USH2A: variants seen among roughly 807,000 people sequenced by gnomAD.
The protein encoded by USH2A is usherin.
A neutral mutation model predicts 538.9 loss-of-function variants in USH2A; 443 were observed. The ratio of observed to expected loss-of-function variants is 0.82; its 90% CI spans 0.76 to 0.89. USH2A has a LOEUF of 0.89. USH2A is among the 40% of genes least tolerant of loss of function. The pLI is 0.00. For synonymous variants in USH2A, 2,413 were observed against 2,273.5 expected, an observed-to-expected ratio of 1.06 and a Z score of -1.75; for missense variants, 6,633 against 6,324.8, an observed-to-expected ratio of 1.05 and a Z score of -1.65.
intron 3 of USH2A, among the ~76,000 whole-genome samples, chr1:216,400,711 A>G (rs1396378999): frequency 9.2e-5 from 14 of 152,174 alleles, no homozygotes; most frequent in Admixed American, 9.2e-4. Flanking sequence ...TGTAAAACTT[A>G]TAAGTAAATA....
At chr1:216,003,775 C>T (rs990859108) in intron 32 of USH2A, among the ~76,000 whole-genome samples, 1 of 152,064 alleles carries the variant, frequency 6.6e-6, no homozygotes, top group African/African-American at 2.4e-5. Flanking sequence ...CTTAGGAAGA[C>T]ACTAAGGATT....
At chr1:215,741,342 AT>A in intron 60 of USH2A, 32 bp downstream of exon 60, 1 of 1,611,516 alleles carries the variant, frequency 6.2e-7, no homozygotes. Flanking sequence ...GCATTCTTAA[AT>A]AACTAAAAAT....
chr1:216,234,673 T>A (rs578061801), intron 13 of USH2A, among the ~76,000 whole-genome samples: 47 of 152,192 alleles, frequency 3.1e-4, no homozygotes, highest in African/African-American at 1.1e-3. Flanking sequence ...CACAGATACT[T>A]ACAAGTAGAA....
chr1:216,377,408 C>A (rs2038842221), intron 3 of USH2A, among the ~76,000 whole-genome samples: 1 of 152,048 alleles, frequency 6.6e-6, no homozygotes, highest in Admixed American at 6.6e-5. Flanking sequence ...TATATCATCC[C>A]TGAATACAAA....
Position 216,000,436 on chromosome 1 carries a change from A to G in USH2A, c.6452T>C (p.Leu2151Pro). Residue 2151 changes from leucine (L) to proline (P), a missense_variant, in exon 33 of 72, where the codon CTG becomes CCG. Coordinates refer to ENST00000307340, the MANE Select transcript of USH2A (RefSeq NM_206933.4). ...LPPEHVDSPV[L>P]TVLDSRTIHI... is the part of the protein sequence containing the mutation. ...TATAGTTCTAGAATCCAGGACAGTC[A>G]GAACTGGGGAATCCACGTGTTCTGG... 6.2e-7 allele frequency: 1 copy of G among 1,613,710 alleles called. No individual in the cohort carries two copies. Among genetic ancestry groups the G allele is most frequent in the Non-Finnish European group, 8.5e-7 (1 of 1,179,714 alleles).
At chr1:215,852,223 C>T (rs1226414754) in intron 44 of USH2A, among the ~76,000 whole-genome samples, 1 of 152,086 alleles carries the variant, frequency 6.6e-6, no homozygotes, top group African/African-American at 2.4e-5. Context: ...ACAATCATGG[C>T]AGAAGGTGAA....
intron 60 of USH2A, among the ~76,000 whole-genome samples, chr1:215,740,203 C>T (rs539421412): frequency 1.3e-5 from 2 of 152,258 alleles, no homozygotes; most frequent in African/African-American, 4.8e-5. Flanking sequence ...CTCCCTCATT[C>T]TCTTCCTTTG....
intron 52 of USH2A, among the ~76,000 whole-genome samples, chr1:215,785,705 A>G (rs1031131182): frequency 1.3e-5 from 2 of 152,176 alleles, no homozygotes; most frequent in Non-Finnish European, 2.9e-5. Flanking sequence ...ATAATGTTCA[A>G]TCAACCTTAT....
At chr1:215,670,801 A>T (rs1657789653) in intron 64 of USH2A, among the ~76,000 whole-genome samples, 171 bp downstream of exon 64, 1 of 152,200 alleles carries the variant, frequency 6.6e-6, no homozygotes, top group Non-Finnish European at 1.5e-5. Context: ...GAAAAAGGCA[A>T]TGAACATGGT....
chr1:215,795,175 C>T (rs887365206), intron 50 of USH2A, among the ~76,000 whole-genome samples: 1 of 152,176 alleles, frequency 6.6e-6, no homozygotes, highest in African/African-American at 2.4e-5. Context: ...TTCTTCCTTA[C>T]ACAGAGTGTA....
chr1:215,778,495 T>C (rs1228765780), intron 55 of USH2A, among the ~76,000 whole-genome samples: 1 of 152,188 alleles, frequency 6.6e-6, no homozygotes, highest in Non-Finnish European at 1.5e-5. Context: ...TGCTTGCTTA[T>C]GTGTTAGGGA....
intron 49 of USH2A, among the ~76,000 whole-genome samples, chr1:215,808,593 C>T (rs1177976435): frequency 6.6e-6 from 1 of 152,064 alleles, no homozygotes; most frequent in Non-Finnish European, 1.5e-5. Context: ...ATTCCCTTCC[C>T]ATCCATTACC....
intron 27 of USH2A, among the ~76,000 whole-genome samples, chr1:216,073,958 G>A (rs551022629): frequency 2.0e-5 from 3 of 152,292 alleles, no homozygotes; most frequent in Admixed American, 2.0e-4. Context: ...CATACAAAAT[G>A]GTCACCAGTT....
intron 38 of USH2A, among the ~76,000 whole-genome samples, chr1:215,901,865 G>T (rs1665510504): frequency 6.6e-6 from 1 of 152,008 alleles, no homozygotes; most frequent in Non-Finnish European, 1.5e-5. Context: ...AGCAAATTCA[G>T]CAAAACTCTG....
In USH2A at chr1:216,150,316, C is replaced by G. The variant is rs978151093; in HGVS notation, c.4627+24936G>C. Among the ~76,000 whole-genome samples, 121 of 152,084 alleles carry G rather than the reference C, an allele frequency of 8.0e-4. 1 individual carries two copies. Among genetic ancestry groups the G allele is most frequent in the Non-Finnish European group, 1.5e-3 (99 of 67,984 alleles). On this transcript the variant is annotated intron_variant, in intron 21 of 71. Coordinates refer to ENST00000307340, the MANE Select transcript of USH2A (RefSeq NM_206933.4). The stretch of plus-strand genomic sequence containing the variant: ...TAGATGATCTTTGCTGGCAAGGCAC[C>G]CTCCAATACTTCCACCCTGATGAAG...
chr1:215,695,806 C>G (rs1276297229), intron 61 of USH2A, among the ~76,000 whole-genome samples: 1 of 152,090 alleles, frequency 6.6e-6, no homozygotes, highest in African/African-American at 2.4e-5. Context: ...GGCTGGAGTA[C>G]AGTGGAACGA....
chr1:215,720,483 A>G (rs1659623000), intron 61 of USH2A, among the ~76,000 whole-genome samples: 1 of 152,190 alleles, frequency 6.6e-6, no homozygotes, highest in Non-Finnish European at 1.5e-5. Context: ...CTAGCACAGA[A>G]GCTAATACCT....
chr1:215,623,995 T>A lies in USH2A; in HGVS notation c.*1786A>T, dbSNP rs1263434133. The A allele has an allele frequency of 6.6e-6, 1 of 152,194 alleles. No homozygotes were observed. The highest frequency in any genetic ancestry group is 6.5e-5 in the Admixed American group (1 of 15,268). The allele number at this position is 152,194 out of a possible 1,614,324, so 9.4% of individuals were successfully genotyped here. A position where few individuals can be genotyped will look rare whatever the true frequency, so the allele number is the denominator to read the frequency against. ...AGCTCACAGAAGGTGGACACAGCCT[T>A]GGTTAATGCTTATTTGTGCCAGCTT... On this transcript the variant is annotated 3_prime_UTR_variant, in exon 72 of 72. Coordinates refer to ENST00000307340, the MANE Select transcript of USH2A (RefSeq NM_206933.4).
intron 64 of USH2A, among the ~76,000 whole-genome samples, chr1:215,661,585 G>A (rs1029818364): frequency 2.6e-4 from 40 of 152,200 alleles, no homozygotes; most frequent in Admixed American, 3.9e-4. Context: ...CTGAGATCCC[G>A]ATTGATACAG....
Sources: allele counts gnomAD v4.1 joint callset (sites outside exome capture counted in the v4.1 genomes callset), GRCh38; gene constraint gnomAD v4.1.1; transcripts MANE v1.5; gene names NCBI Gene and HGNC (gene_info 2026-07-23, HGNC 2026-07-21).